The following ADAMTSL1 variants were observed in gnomAD, a reference collection of about 807,000 sequenced individuals.
ADAMTSL1 encodes the protein ADAMTS-like protein 1.
In ADAMTSL1, 126 loss-of-function variants were observed where a neutral mutation model predicts 201.8. That is an observed-to-expected ratio of 0.62 (90% CI 0.54 to 0.72). The LOEUF (loss-of-function observed/expected upper bound fraction) is 0.72, where lower values mean the gene tolerates loss of function less well. Among genes scored for constraint, ADAMTSL1 ranks in the 30% least tolerant of loss-of-function variants. The pLI is 0.00. For missense variants in ADAMTSL1, 2,679 were observed against 2,277.8 expected, an observed-to-expected ratio of 1.18 and a Z score of -3.59; for synonymous variants, 1,121 against 903.4, an observed-to-expected ratio of 1.24 and a Z score of -4.32.
intron 2 of ADAMTSL1, among the ~76,000 whole-genome samples, chr9:18,290,789 T>TG (rs1833225490): frequency 2.7e-5 from 4 of 147,744 alleles, no homozygotes; most frequent in African/African-American, 9.9e-5. Context: ...GTGTTTTTTT[T>TG]TTTTTTTTTT....
chr9:17,991,695 C>A (rs1819156784), intron 1 of ADAMTSL1, among the ~76,000 whole-genome samples: 1 of 152,158 alleles, frequency 6.6e-6, no homozygotes, highest in South Asian at 2.1e-4. Context: ...ACGTGACTTG[C>A]ATGAAGTCCC....
At chr9:18,108,198 T>A (rs1011739098) in intron 1 of ADAMTSL1, among the ~76,000 whole-genome samples, 4 of 101,618 alleles carry the variant, frequency 3.9e-5, no homozygotes, top group African/African-American at 1.4e-4. Flanking sequence ...AGTGTGGAAT[T>A]TTTTTTTTTT....
chr9:18,419,731 C>CTTTTTTTTTTTTTT (rs772122083), intron 2 of ADAMTSL1, among the ~76,000 whole-genome samples: 1 of 125,320 alleles, frequency 8.0e-6, no homozygotes, highest in Admixed American at 8.3e-5. Context: ...ATTTATTTGA[C>CTTTTTTTTTTTTTT]TTTTTTTTTT....
At chr9:18,639,532 G>A (rs1390997002) in intron 7 of ADAMTSL1, 121 bp downstream of exon 7, 85 of 1,196,146 alleles carry the variant, frequency 7.1e-5, no homozygotes, top group Non-Finnish European at 8.2e-5. Context: ...TTGTTACCCA[G>A]GAAATGTTTA....
intron 2 of ADAMTSL1, among the ~76,000 whole-genome samples, chr9:18,346,404 G>T (rs1001247907): frequency 1.3e-5 from 2 of 152,150 alleles, no homozygotes; most frequent in Non-Finnish European, 2.9e-5. Flanking sequence ...GAGCTGGGCA[G>T]TCTGGGTTTG....
chr9:18,867,293 T>A (rs1441179712), intron 23 of ADAMTSL1, among the ~76,000 whole-genome samples: 1 of 152,234 alleles, frequency 6.6e-6, no homozygotes, highest in Non-Finnish European at 1.5e-5. Context: ...TTGGACAGAT[T>A]ATAAAATATT....
intron 4 of ADAMTSL1, among the ~76,000 whole-genome samples, chr9:18,609,721 C>CG (rs982961692): frequency 9.2e-5 from 14 of 152,046 alleles, no homozygotes; most frequent in African/African-American, 3.4e-4. Context: ...TATCCCCCCC[C>CG]TAAAATAATC....
At chr9:18,728,527 A>T (rs571034626) in intron 15 of ADAMTSL1, among the ~76,000 whole-genome samples, 19 of 152,228 alleles carry the variant, frequency 1.2e-4, no homozygotes, top group Non-Finnish European at 2.4e-4. Context: ...GTTGTCACGG[A>T]TAACGAGAAG....
intron 4 of ADAMTSL1, among the ~76,000 whole-genome samples, chr9:18,591,821 C>G (rs1930265): frequency 0.01 from 1,537 of 152,234 alleles, 24 homozygotes; most frequent in African/African-American, 0.035. Context: ...TTGACTAACT[C>G]TTGGAAAGCA....
At chr9:18,834,792 T>C (rs1825210413) in intron 23 of ADAMTSL1, among the ~76,000 whole-genome samples, 1 of 152,226 alleles carries the variant, frequency 6.6e-6, no homozygotes. Flanking sequence ...ATCCATATTG[T>C]AACATGGATC....
chr9:18,473,570 T>C (rs996917752), upstream of ADAMTSL1, among the ~76,000 whole-genome samples: 1 of 152,174 alleles, frequency 6.6e-6, no homozygotes, highest in Non-Finnish European at 1.5e-5. Context: ...GTATAGAGTA[T>C]TTATTTTGCA....
At chr9:18,279,065 C>T (rs1832690174) in intron 2 of ADAMTSL1, among the ~76,000 whole-genome samples, 1 of 152,092 alleles carries the variant, frequency 6.6e-6, no homozygotes, top group Admixed American at 6.5e-5. Flanking sequence ...TTTGTTTATG[C>T]ATAGCCCTCC....
At chr9:18,590,895 T>G (rs1823870141) in intron 4 of ADAMTSL1, among the ~76,000 whole-genome samples, 1 of 152,184 alleles carries the variant, frequency 6.6e-6, no homozygotes, top group Non-Finnish European at 1.5e-5. Flanking sequence ...AAAAAGATAC[T>G]TGATATAATT....
chr9:18,698,024 A>T (rs1831665898), intron 13 of ADAMTSL1, among the ~76,000 whole-genome samples: 1 of 152,240 alleles, frequency 6.6e-6, no homozygotes, highest in African/African-American at 2.4e-5. Context: ...TAATAGTTTT[A>T]TCTGATAATG....
chr9:18,401,180 C>T (rs1817970435), intron 2 of ADAMTSL1, among the ~76,000 whole-genome samples: 1 of 152,204 alleles, frequency 6.6e-6, no homozygotes, highest in South Asian at 2.1e-4. Context: ...ATTGCAAGGG[C>T]TACTCCCAAG....
intron 23 of ADAMTSL1, among the ~76,000 whole-genome samples, chr9:18,876,895 G>C (rs1472684336): frequency 1.3e-5 from 2 of 152,084 alleles, no homozygotes; most frequent in Non-Finnish European, 2.9e-5. Context: ...ATTATTCTTA[G>C]GTTTGATCTT....
intron 19 of ADAMTSL1, among the ~76,000 whole-genome samples, chr9:18,778,710 T>C (rs1821210040): frequency 6.6e-6 from 1 of 152,232 alleles, no homozygotes; most frequent in Admixed American, 6.5e-5. Flanking sequence ...TCTTTATGTG[T>C]TTTATCTCAC....
chr9:17,934,134 T>C (rs189823009), intron 1 of ADAMTSL1, among the ~76,000 whole-genome samples: 2 of 152,314 alleles, frequency 1.3e-5, no homozygotes, highest in South Asian at 2.1e-4. Context: ...ACTATCACCA[T>C]TGAAACTAAT....
At chr9:18,611,790 C>G (rs1284773774) in intron 4 of ADAMTSL1, among the ~76,000 whole-genome samples, 1 of 152,182 alleles carries the variant, frequency 6.6e-6, no homozygotes, top group African/African-American at 2.4e-5. Context: ...AAATTAGCAC[C>G]TGGCAAAAGT....
Sources: gnomAD v4.1 joint callset for allele counts (sites outside exome capture counted in the v4.1 genomes callset) on GRCh38, gnomAD v4.1.1 for gene constraint, MANE v1.5 for transcripts, NCBI Gene and HGNC (gene_info 2026-07-23, HGNC 2026-07-21) for gene names.